The following RNF150 variants were observed in gnomAD, a reference collection of about 807,000 sequenced individuals.
The protein encoded by RNF150 is ring finger protein 150.
RNF150 carries 24 observed loss-of-function variants against 39.3 expected under a neutral mutation model. That is an observed-to-expected ratio of 0.61 (90% confidence interval 0.44 to 0.86). The LOEUF (loss-of-function observed/expected upper bound fraction) is 0.86, where lower values mean the gene tolerates loss of function less well. Ranked by LOEUF, RNF150 falls within the 40% of genes least tolerant of loss-of-function variation. RNF150 has a pLI of 0.00. For synonymous variants in RNF150, 255 were observed against 227.3 expected, an observed-to-expected ratio of 1.12 and a Z score of -1.10; for missense variants, 502 against 587.8, an observed-to-expected ratio of 0.85 and a Z score of 1.51.
intron 1 of RNF150, among the ~76,000 whole-genome samples, chr4:141,054,443 T>C (rs1171949914): frequency 6.6e-6 from 1 of 152,072 alleles, no homozygotes; most frequent in African/African-American, 2.4e-5. Context: ...TATATTAACA[T>C]GAACATGAAT....
At chr4:140,888,445 C>T (rs1326575538) in intron 6 of RNF150, among the ~76,000 whole-genome samples, 1 of 152,178 alleles carries the variant, frequency 6.6e-6, no homozygotes, top group Non-Finnish European at 1.5e-5. Context: ...AAGATCATAA[C>T]CCTACCCATT....
intron 5 of RNF150, among the ~76,000 whole-genome samples, chr4:140,924,122 TA>T (rs943198400): frequency 6.6e-5 from 10 of 151,620 alleles, no homozygotes; most frequent in Middle Eastern, 3.4e-3. Context: ...AAAGTATAAT[TA>T]AAAAAAAATC....
At chr4:141,099,102 AATTT>A (rs1287065573) in intron 1 of RNF150, among the ~76,000 whole-genome samples, 5 of 152,064 alleles carry the variant, frequency 3.3e-5, no homozygotes, top group Admixed American at 6.5e-5. Context: ...TTAATCCTAT[AATTT>A]ATTTTTTATA....
At chr4:141,144,299 A>T (rs1381698362) in intron 1 of RNF150, among the ~76,000 whole-genome samples, 2 of 152,222 alleles carry the variant, frequency 1.3e-5, no homozygotes, top group East Asian at 3.8e-4. Context: ...TTATTCCAAA[A>T]ATATAATCCT....
chr4:141,055,302 G>A (rs188179033), intron 1 of RNF150, among the ~76,000 whole-genome samples: 1 of 152,192 alleles, frequency 6.6e-6, no homozygotes, highest in East Asian at 1.9e-4. Flanking sequence ...TTATCATCTG[G>A]ACACAGTGGA....
Position 141,132,605 on chromosome 4 carries a change from G to A in RNF150, c.204C>T (p.His68=). 1.9e-6 allele frequency: 3 copies of A among 1,547,140 alleles called. No homozygotes were observed. Among genetic ancestry groups the A allele is most frequent in the Middle Eastern group, 1.8e-4 (1 of 5,522 alleles). Residue 68 remains histidine (H), a synonymous_variant, in exon 1 of 7, where the codon CAC becomes CAT. Coordinates refer to ENST00000515673, the MANE Select transcript of RNF150 (RefSeq NM_020724.2). This position sits in a 1 kb window ranked among gnomAD's most constrained non-coding sequence, Gnocchi z 4.9. ...GAAGGGGAEL[H]TEKTECGRYG... ...AGCGCCCGCACTCCGTCTTCTCCGTGTGCAGCTCCGCGCCGCCGCCGCCCG... is the reference window on the plus strand; with the variant it reads ...AGCGCCCGCACTCCGTCTTCTCCGTATGCAGCTCCGCGCCGCCGCCGCCCG...
intron 1 of RNF150, among the ~76,000 whole-genome samples, chr4:141,151,948 T>G (rs1007933815): frequency 6.6e-6 from 1 of 152,180 alleles, no homozygotes; most frequent in Non-Finnish European, 1.5e-5. Context: ...TATTTAATTT[T>G]TGGAAAAATT....
At chr4:141,175,764 G>A (rs1424186222) in intron 1 of RNF150, among the ~76,000 whole-genome samples, 1 of 152,208 alleles carries the variant, frequency 6.6e-6, no homozygotes, top group Non-Finnish European at 1.5e-5. Flanking sequence ...GGAAGTTCAA[G>A]ATCAAGTGGC....
intron 1 of RNF150, among the ~76,000 whole-genome samples, chr4:141,199,980 A>G (rs968162156): frequency 2.0e-5 from 3 of 152,214 alleles, no homozygotes; most frequent in African/African-American, 7.2e-5. Flanking sequence ...GCATATATAC[A>G]TATTGACAAG....
chr4:140,898,528 CAT>C (rs975602490), intron 6 of RNF150, among the ~76,000 whole-genome samples: 5 of 152,352 alleles, frequency 3.3e-5, no homozygotes, highest in East Asian at 1.9e-4. Context: ...ATGTCTGACA[CAT>C]ATGATATGCA....
chr4:141,106,134 C>T lies in RNF150; in HGVS notation c.484+26191G>A, dbSNP rs765038963. ...AACTGCTTATTTTAAAACATCACCA[C>T]ATCTGCAAAGCCTCCTTCAAATCTC... On this transcript the variant is annotated intron_variant, in intron 1 of 6. Coordinates refer to ENST00000515673, the MANE Select transcript of RNF150 (RefSeq NM_020724.2). 3.3e-5 allele frequency among the ~76,000 whole-genome samples: 5 copies of T among 152,236 alleles called. No individual in the cohort carries two copies. The East Asian group carries it at 5.8e-4, about 18-fold the overall frequency.
chr4:140,897,539 A>G (rs987656898), intron 6 of RNF150, among the ~76,000 whole-genome samples: 2 of 152,170 alleles, frequency 1.3e-5, no homozygotes, highest in Non-Finnish European at 2.9e-5. Context: ...CTGGGCTTTG[A>G]TGAGAGTGAC....
chr4:140,908,390 T>A (rs1250896809), intron 6 of RNF150, among the ~76,000 whole-genome samples: 1 of 152,192 alleles, frequency 6.6e-6, no homozygotes, highest in Admixed American at 6.5e-5. Flanking sequence ...CAGAAATATA[T>A]GGTTTAGGAA....
intron 1 of RNF150, 55 bp from the exon 2 acceptor site, chr4:140,967,928 G>GA (rs758579529): frequency 2.5e-5 from 38 of 1,502,642 alleles, no homozygotes; most frequent in Non-Finnish European, 3.4e-5. Context: ...AGATATGGGG[G>GA]ATCCCAGTGA....
chr4:140,930,581 G>A (rs535310424), intron 4 of RNF150, among the ~76,000 whole-genome samples: 18 of 152,258 alleles, frequency 1.2e-4, no homozygotes, highest in African/African-American at 4.3e-4. Context: ...GCCTCCACAT[G>A]GTCAAGTCTC....
At chr4:141,053,613 T>A (rs541562519) in intron 1 of RNF150, 464 of 794,640 alleles carry the variant, frequency 5.8e-4, no homozygotes, top group Admixed American at 9.9e-4. Context: ...AAGGAAGATA[T>A]CATGGAAGTC....
rs147750999 is a variant in RNF150 at position 140,934,325 on chromosome 4, T to C, written c.891-8252A>G. ...TGCCCAGCCTAAAAACATCATTTTT[T>C]AAAAAAGAAAAGACAAACGGAAAAA... On this transcript the variant is annotated intron_variant, in intron 4 of 6. Transcript: ENST00000515673. Among the ~76,000 whole-genome samples the C allele has an allele frequency of 3.9e-3, 591 of 152,194 alleles. 1 individual carries two copies. The highest frequency in any genetic ancestry group is 0.017 in the Middle Eastern group (5 of 294).
intron 1 of RNF150, among the ~76,000 whole-genome samples, chr4:141,148,090 T>C (rs1232536310): frequency 6.6e-6 from 1 of 152,198 alleles, no homozygotes; most frequent in African/African-American, 2.4e-5. Flanking sequence ...ATTATTTAAA[T>C]TACTAATAAA....
intron 6 of RNF150, among the ~76,000 whole-genome samples, chr4:140,876,809 C>G (rs1560943751): frequency 6.6e-6 from 1 of 152,188 alleles, no homozygotes; most frequent in Non-Finnish European, 1.5e-5. Context: ...CAAGACTCAG[C>G]CACATTTGGA....
Sources: gnomAD v4.1 joint callset for allele counts (sites outside exome capture counted in the v4.1 genomes callset) on GRCh38, gnomAD v4.1.1 for gene constraint, Gnocchi (gnomAD v3.1) non-coding constraint, MANE v1.5 for transcripts, NCBI Gene and HGNC (gene_info 2026-07-23, HGNC 2026-07-21) for gene names.